RPS6KC1: variants seen among roughly 807,000 people sequenced by gnomAD.
RPS6KC1 encodes inactive ribosomal protein S6 kinase delta-1.
A neutral mutation model predicts 103.8 loss-of-function variants in RPS6KC1; 54 were observed. The observed-to-expected ratio is 0.52, with a 90% confidence interval of 0.42 to 0.65. The LOEUF is 0.65. Ranked by LOEUF, RPS6KC1 falls within the 30% of genes least tolerant of loss-of-function variation. The pLI, the probability that RPS6KC1 is intolerant of heterozygous loss-of-function variation, is 0.00. For synonymous variants in RPS6KC1, 439 were observed against 438.7 expected (o/e 1.00, Z -0.01); for missense variants, 1,151 against 1,253.8 (o/e 0.92, Z 1.24).
chr1:213,296,037 G>A, the RPS6KC1 span, among the ~76,000 whole-genome samples: 128 of 152,278 alleles, frequency 8.4e-4, 1 homozygote, highest in South Asian at 7.7e-3. Flanking sequence ...TAAAAAAAAT[G>A]CCAGTCATTG....
intron 6 of RPS6KC1, among the ~76,000 whole-genome samples, chr1:213,159,998 G>A (rs1317429607): frequency 6.6e-6 from 1 of 152,154 alleles, no homozygotes; most frequent in Non-Finnish European, 1.5e-5. Context: ...TTGAGAAAGA[G>A]TTAATCATTA....
the RPS6KC1 span, among the ~76,000 whole-genome samples, chr1:213,767,637 C>G: frequency 1.3e-5 from 2 of 152,162 alleles, no homozygotes; most frequent in Non-Finnish European, 2.9e-5. Flanking sequence ...TCTAAGGGAG[C>G]AGACATTGGG....
the RPS6KC1 span, among the ~76,000 whole-genome samples, chr1:213,408,389 C>T: frequency 6.6e-6 from 1 of 152,170 alleles, no homozygotes; most frequent in African/African-American, 2.4e-5. Flanking sequence ...TTTTATGTAT[C>T]AACTTGGTTA....
intron 6 of RPS6KC1, among the ~76,000 whole-genome samples, chr1:213,164,588 T>C (rs1293533432): frequency 6.6e-6 from 1 of 152,232 alleles, no homozygotes; most frequent in East Asian, 1.9e-4. Context: ...TCTTGCTCTG[T>C]TCCCCAGGTT....
the RPS6KC1 span, among the ~76,000 whole-genome samples, chr1:213,600,483 G>T: frequency 0.022 from 3,354 of 152,254 alleles, 133 homozygotes; most frequent in African/African-American, 0.076. Flanking sequence ...GGCCTATAGG[G>T]GGAATCAGAG....
chr1:213,668,627 A>T, the RPS6KC1 span, among the ~76,000 whole-genome samples: 2 of 152,056 alleles, frequency 1.3e-5, no homozygotes, highest in Non-Finnish European at 1.5e-5. Context: ...CTAACAAGAG[A>T]TCCAGCCTAT....
At chr1:213,768,533 T>G in the RPS6KC1 span, among the ~76,000 whole-genome samples, 1 of 152,236 alleles carries the variant, frequency 6.6e-6, no homozygotes, top group Admixed American at 6.5e-5. Flanking sequence ...AGATTCCTCC[T>G]TATATCCAAA....
At chr1:213,854,637 T>A in the RPS6KC1 span, among the ~76,000 whole-genome samples, 5 of 151,922 alleles carry the variant, frequency 3.3e-5, no homozygotes, top group African/African-American at 7.3e-5. Context: ...TCTGATTTAA[T>A]GGTACTACTT....
At chr1:213,199,050 A>G (rs2093056064) in intron 8 of RPS6KC1, among the ~76,000 whole-genome samples, 1 of 152,232 alleles carries the variant, frequency 6.6e-6, no homozygotes, top group Non-Finnish European at 1.5e-5. Context: ...TTCACAGCTA[A>G]ATTCTACAGA....
chr1:213,355,258 G>GA, the RPS6KC1 span, among the ~76,000 whole-genome samples: 1 of 152,022 alleles, frequency 6.6e-6, no homozygotes, highest in Non-Finnish European at 1.5e-5. Context: ...GAAATCTTTG[G>GA]AAAGCCCAAA....
At chr1:213,648,889 CCA>C in the RPS6KC1 span, among the ~76,000 whole-genome samples, 3 of 152,270 alleles carry the variant, frequency 2.0e-5, no homozygotes, top group East Asian at 1.9e-4. Context: ...TGCCAACATT[CCA>C]CAGTTTCTTC....
the RPS6KC1 span, among the ~76,000 whole-genome samples, chr1:213,824,221 C>T: frequency 1.3e-5 from 2 of 152,168 alleles, no homozygotes. Context: ...ACAATAGGGC[C>T]CTTTTCCCTC....
At chr1:213,475,603 C>T in the RPS6KC1 span, among the ~76,000 whole-genome samples, 2 of 152,026 alleles carry the variant, frequency 1.3e-5, no homozygotes, top group East Asian at 3.9e-4. Context: ...TCCCACCCCA[C>T]GTCCCTCCCG....
At chr1:213,314,427 C>A in the RPS6KC1 span, among the ~76,000 whole-genome samples, 1 of 152,158 alleles carries the variant, frequency 6.6e-6, no homozygotes, top group South Asian at 2.1e-4. Context: ...TGGTGAACCC[C>A]CTTAGGTAGC....
chr1:213,141,823 C>CT (rs796096838), intron 6 of RPS6KC1, among the ~76,000 whole-genome samples: 98 of 144,948 alleles, frequency 6.8e-4, no homozygotes, highest in African/African-American at 1.1e-3. Flanking sequence ...TATGTCGTAT[C>CT]TTTTTTTTTT....
the RPS6KC1 span, among the ~76,000 whole-genome samples, chr1:213,456,036 A>T: frequency 2.0e-5 from 3 of 152,032 alleles, no homozygotes; most frequent in Non-Finnish European, 4.4e-5. Context: ...CAACTGCTAC[A>T]CCTGCTTCGG....
chr1:213,230,081 G>A (rs2094054770), intron 8 of RPS6KC1, among the ~76,000 whole-genome samples: 1 of 152,158 alleles, frequency 6.6e-6, no homozygotes. Context: ...GCTAGAGCCT[G>A]AGTTATTGAG....
At chr1:213,645,463 G>A in the RPS6KC1 span, among the ~76,000 whole-genome samples, 1 of 152,192 alleles carries the variant, frequency 6.6e-6, no homozygotes, top group Non-Finnish European at 1.5e-5. Flanking sequence ...ACAAGAATGC[G>A]TATGTAAAGG....
the RPS6KC1 span, among the ~76,000 whole-genome samples, chr1:213,556,257 G>A: frequency 6.6e-6 from 1 of 152,164 alleles, no homozygotes; most frequent in African/African-American, 2.4e-5. Context: ...AGGGGAGGCA[G>A]ACTGGGATCA....
Sources: allele counts gnomAD v4.1 joint callset (sites outside exome capture counted in the v4.1 genomes callset), GRCh38; gene constraint gnomAD v4.1.1; transcripts MANE v1.5; gene names NCBI Gene and HGNC (gene_info 2026-07-23, HGNC 2026-07-21).